The following MSL1 variants were observed in gnomAD, a reference collection of about 807,000 sequenced individuals.
The protein encoded by MSL1 is male-specific lethal 1 homolog.
In MSL1, 21 loss-of-function variants were observed where a neutral mutation model predicts 64.6. That is an observed-to-expected ratio of 0.33 (90% CI 0.23 to 0.47). The LOEUF (loss-of-function observed/expected upper bound fraction) is 0.47. MSL1 is among the 20% of genes least tolerant of loss of function. MSL1 has a pLI of 1.00. For missense variants in MSL1, 664 were observed against 793.2 expected, an observed-to-expected ratio of 0.84 and a Z score of 1.96; for synonymous variants, 339 against 329.6, an observed-to-expected ratio of 1.03 and a Z score of -0.31.
Position 40,131,621 on chromosome 17 carries a change from G to A in MSL1, c.1423+37G>A. The A allele has an allele frequency of 6.3e-7, 1 of 1,584,512 alleles. No homozygotes were observed. The highest frequency in any genetic ancestry group is 8.7e-7 in the Non-Finnish European group (1 of 1,153,092). ...AGGAATTGTGCTGGCTGGGCCTGGG[G>A]TGGGGGTTGGTGGGATGGTGGATGG... On this transcript the variant is annotated intron_variant, in intron 4 of 8. Transcript: ENST00000398532. This position sits in a 1 kb window ranked among gnomAD's most constrained non-coding sequence, Gnocchi z 4.5.
In MSL1 at chr17:40,132,910, A is replaced by G. The variant is rs1988468745; in HGVS notation, c.1489-132A>G. On this transcript the variant is annotated intron_variant, in intron 5 of 8. Transcript: ENST00000398532. ...TTACCAGGAGGTTCCCATACTGTCC[A>G]TGGAACCCACAGACTCAGGTAGAAC... 1.5e-5 allele frequency: 11 copies of G among 752,808 alleles called. No individual in the cohort carries two copies. The South Asian group carries it at 1.9e-4, about 13-fold the overall frequency. 46.6% of individuals were successfully genotyped at this position (752,808 alleles called of 1,614,324 possible).
At position 40,126,174 on chromosome 17, in the gene MSL1, C is replaced by G. The variant is rs760183463; in HGVS notation, c.769-9C>G. On this transcript the variant is annotated splice_polypyrimidine_tract_variant and intron_variant, in intron 1 of 8. Coordinates refer to ENST00000398532, the MANE Select transcript of MSL1 (RefSeq NM_001365919.1). ...TGTTAAGTCTGCATTTTGCTACTCT[C>G]TCTTTTAGCTCCTTGCTCGGATTGA... is the stretch of plus-strand genomic sequence containing the variant. 7 of 1,613,356 alleles carry G rather than the reference C, an allele frequency of 4.3e-6. No homozygotes were observed. The highest frequency in any genetic ancestry group is 2.7e-5 in the African/African-American group (2 of 74,922).
chr17:40,134,583 T>C lies in MSL1; in HGVS notation c.*214T>C, dbSNP rs892666951. ...TATGGAGGGTGATTGGGATTTCTTT[T>C]CCCTTTTTTGGGAAATGGGCTCTCA... is the stretch of plus-strand genomic sequence containing the variant. On this transcript the variant is annotated 3_prime_UTR_variant, in exon 9 of 9. Coordinates refer to ENST00000398532, the MANE Select transcript of MSL1 (RefSeq NM_001365919.1). 1 of 542,860 alleles carries C rather than the reference T, an allele frequency of 1.8e-6. No homozygotes were observed. Among genetic ancestry groups the C allele is most frequent in the Non-Finnish European group, 3.3e-6 (1 of 304,292 alleles). 33.6% of individuals were successfully genotyped at this position (542,860 alleles called of 1,614,324 possible).
intron 2 of MSL1, among the ~76,000 whole-genome samples, chr17:40,127,072 C>T (rs1260959663): frequency 1.3e-5 from 2 of 152,058 alleles, no homozygotes; most frequent in African/African-American, 4.8e-5. Flanking sequence ...CGTGGTGGCT[C>T]ATGCCTGTAA....
rs1307388212 is a variant in MSL1 at position 40,131,697 on chromosome 17, G to GT, written c.1423+114dup. On this transcript the variant is annotated intron_variant, in intron 4 of 8. Transcript: ENST00000398532. This position sits in a 1 kb window ranked among gnomAD's most constrained non-coding sequence, Gnocchi z 4.5. ...GGATGTGGGAGACTGAGATTTCTTGGTGTATGATTGATTACACTACTATAG... is the reference window on the plus strand; with the variant it reads ...GGATGTGGGAGACTGAGATTTCTTGGTTGTATGATTGATTACACTACTATAG... 1.0e-6 allele frequency: 1 copy of GT among 980,712 alleles called. No homozygotes were observed. The highest frequency in any genetic ancestry group is 2.4e-5 in the East Asian group (1 of 42,002). 60.8% of individuals were successfully genotyped at this position (980,712 alleles called of 1,614,324 possible).
intron 1 of MSL1, among the ~76,000 whole-genome samples, chr17:40,125,149 T>C (rs954085833): frequency 6.6e-6 from 1 of 152,218 alleles, no homozygotes; most frequent in Non-Finnish European, 1.5e-5. Flanking sequence ...AAGTTTTCAA[T>C]ACTAATAGAG....
chr17:40,122,926 C>A lies in MSL1; in HGVS notation c.314C>A (p.Pro105Gln), dbSNP rs1299378597. The change falls in exon 1 of 9, where the codon CCG becomes CAG. Residue 105 changes from proline to glutamine, a missense_variant. Physicochemically the swap from Pro to Gln is moderately conservative, Grantham distance 76. Transcript: ENST00000398532. This position sits in a 1 kb window ranked among gnomAD's most constrained non-coding sequence, Gnocchi z 4.2. ...GGCGGTTCGGTGCCCTTGCCCTGTC[C>A]GCCCCCGGCCACCAAGCAAGCCGGC... is the stretch of plus-strand genomic sequence containing the variant. ...SWGGSVPLPC[P>Q]PPATKQAGIG... 1.3e-6 allele frequency: 2 copies of A among 1,516,906 alleles called. No homozygotes were observed. Among genetic ancestry groups the A allele is most frequent in the Non-Finnish European group, 1.8e-6 (2 of 1,139,578 alleles). 94.0% of individuals were successfully genotyped at this position (1,516,906 alleles called of 1,614,324 possible). A position where few individuals can be genotyped will look rare whatever the true frequency, so the allele number is the denominator to read the frequency against.
In MSL1 at chr17:40,135,612, T is replaced by C. The variant is rs376549357; in HGVS notation, c.*1243T>C. On this transcript the variant is annotated 3_prime_UTR_variant, in exon 9 of 9. Coordinates refer to ENST00000398532, the MANE Select transcript of MSL1 (RefSeq NM_001365919.1). ...TATGTCCCCAGATTATTAGCACTTT[T>C]AGAGGAGAAGCCAAGGTATGTAGGG... 2.0e-5 allele frequency: 3 copies of C among 152,368 alleles called. No individual in the cohort carries two copies. Among genetic ancestry groups the C allele is most frequent in the South Asian group, 4.1e-4 (2 of 4,828 alleles). 9.4% of individuals were successfully genotyped at this position (152,368 alleles called of 1,614,324 possible). A position where few individuals can be genotyped will look rare whatever the true frequency, so the allele number is the denominator to read the frequency against.
At chr17:40,127,011 CTTCA>C (rs2145130062) in intron 2 of MSL1, among the ~76,000 whole-genome samples, 1 of 152,028 alleles carries the variant, frequency 6.6e-6, no homozygotes, top group Admixed American at 6.5e-5. Flanking sequence ...TGTTAAATTC[CTTCA>C]TTGTGTCGTG....
chr17:40,136,002 A>G lies in MSL1; in HGVS notation c.*1633A>G, dbSNP rs1045816193. On this transcript the variant is annotated 3_prime_UTR_variant, in exon 9 of 9. Transcript: ENST00000398532. ...ACTAGGGGCTCTCATCTCACACCTT[A>G]AGGAGGAGATTTCTAGAAAAACTGG... 8.5e-5 allele frequency: 13 copies of G among 152,282 alleles called. No homozygotes were observed. The highest frequency in any genetic ancestry group is 3.1e-4 in the African/African-American group (13 of 41,430). The allele number at this position is 152,282 out of a possible 1,614,324, so 9.4% of individuals were successfully genotyped here.
Position 40,135,323 on chromosome 17 carries a change from T to G in MSL1, c.*954T>G, listed in dbSNP as rs1411620916. ...AACAAACAGATGTACCTAATGAGCTTCTCCATTCACTTTGTAAAAATAATT... is the reference window on the plus strand; with the variant it reads ...AACAAACAGATGTACCTAATGAGCTGCTCCATTCACTTTGTAAAAATAATT... On this transcript the variant is annotated 3_prime_UTR_variant, in exon 9 of 9. Transcript: ENST00000398532. 4 of 152,290 alleles carry G rather than the reference T, an allele frequency of 2.6e-5. No homozygotes were observed. The highest frequency in any genetic ancestry group is 9.7e-5 in the African/African-American group (4 of 41,424). 9.4% of individuals were successfully genotyped at this position (152,290 alleles called of 1,614,324 possible).
At chr17:40,126,701 G>A (rs570339590) in intron 2 of MSL1, 5 of 281,598 alleles carry the variant, frequency 1.8e-5, no homozygotes, top group East Asian at 1.7e-4. Context: ...CCAGCTACTC[G>A]GGAGGCTGAG....
At chr17:40,125,671 G>A (rs1328994761) in intron 1 of MSL1, among the ~76,000 whole-genome samples, 1 of 152,168 alleles carries the variant, frequency 6.6e-6, no homozygotes, top group Non-Finnish European at 1.5e-5. Flanking sequence ...ATTACCCGGT[G>A]TGGTGGCGGG....
intron 1 of MSL1, 26 bp from the exon 2 acceptor site, chr17:40,126,157 C>A: frequency 6.2e-7 from 1 of 1,604,408 alleles, no homozygotes; most frequent in South Asian, 1.1e-5. Flanking sequence ...TGTGTTAAGT[C>A]TGCATTTTGC....
rs1988233847 is a variant in MSL1 at position 40,123,241 on chromosome 17, G to T, written c.629G>T (p.Gly210Val). The T allele has an allele frequency of 2.0e-6, 3 of 1,535,690 alleles. No homozygotes were observed. The African/African-American group carries it at 4.1e-5, about 21-fold the overall frequency. ...ATGAGGAAGAGCCCTCTCGGGGGTG[G>T]TGGCGGCTCGGGAGCCTCCAGTCAG... ...KSMRKSPLGGGGGSGASSQAA... is the reference protein window; with the variant it reads ...KSMRKSPLGGVGGSGASSQAA... The change falls in exon 1 of 9, where the codon GGT becomes GTT. Residue 210 changes from glycine to valine, a missense_variant. Physicochemically the swap from Gly to Val is moderately radical, Grantham distance 109. Around this residue, in one of 4 missense-constraint regions of MSL1, gnomAD observed 466 missense variants for 499.0 expected, o/e 0.93. Coordinates refer to ENST00000398532, the MANE Select transcript of MSL1 (RefSeq NM_001365919.1).
intron 5 of MSL1, among the ~76,000 whole-genome samples, chr17:40,132,676 T>G (rs1484343673): frequency 1.3e-5 from 2 of 152,146 alleles, no homozygotes; most frequent in East Asian, 3.8e-4. Flanking sequence ...AACCATAAAA[T>G]TACATATTCC....
chr17:40,122,667 C>G lies in MSL1; in HGVS notation c.55C>G (p.Pro19Ala). The G allele has an allele frequency of 4.0e-6, 6 of 1,493,336 alleles. No individual in the cohort carries two copies. The highest frequency in any genetic ancestry group is 5.3e-6 in the Non-Finnish European group (6 of 1,128,620). 92.5% of individuals were successfully genotyped at this position (1,493,336 alleles called of 1,614,324 possible). ...KAAAAPAGGN[P>A]EQRLDYERAA... ...GGCCGCGGCCCCTGCCGGCGGCAAT[C>G]CTGAGCAGCGACTGGACTACGAGCG... Residue 19 changes from proline to alanine, a missense_variant, in exon 1 of 9, where the codon CCT becomes GCT. Physicochemically the swap from Pro to Ala is conservative, Grantham distance 27. Transcript: ENST00000398532. The surrounding 1 kb of genome is among the most constrained non-coding windows in gnomAD (Gnocchi z 4.2).
rs752605542 is a variant in MSL1, at chr17:40,126,213, C to T, written c.799C>T (p.Arg267Trp). 6.8e-6 allele frequency: 11 copies of T among 1,613,772 alleles called. No individual in the cohort carries two copies. Among genetic ancestry groups the T allele is most frequent in the Non-Finnish European group, 9.3e-6 (11 of 1,179,876 alleles). ...LLARIERMERRMQLVKKDNEK... is the reference protein window; with the variant it reads ...LLARIERMERWMQLVKKDNEK... ...TGCTCGGATTGAACGTATGGAAAGG[C>T]GGATGCAGCTGGTAAAGAAGGATAA... The change falls in exon 2 of 9, where the codon CGG (arginine) becomes TGG (tryptophan). Residue 267 changes from arginine to tryptophan, a missense_variant. Arg to Trp is a moderately radical substitution (Grantham distance 101). Around this residue, in one of 4 missense-constraint regions of MSL1, gnomAD observed 466 missense variants for 499.0 expected, o/e 0.93. Coordinates refer to ENST00000398532, the MANE Select transcript of MSL1 (RefSeq NM_001365919.1).
At position 40,133,575 on chromosome 17, in the gene MSL1, G is replaced by T; in HGVS notation, c.1598G>T (p.Arg533Leu). 6.2e-7 allele frequency: 1 copy of T among 1,612,350 alleles called. No individual in the cohort carries two copies. Among genetic ancestry groups the T allele is most frequent in the South Asian group, 1.1e-5 (1 of 90,776 alleles). The part of the protein sequence containing the change: ...QRIREQRILQ[R>L]LQLRMYKKKG... ...ATCAGGGAACAAAGAATTTTACAGC[G>T]ACTGCAGCTCAGAATGTATAAAAAG... Residue 533 changes from arginine to leucine, a missense_variant, in exon 7 of 9, where the codon CGA (arginine) becomes CTA (leucine). Transcript: ENST00000398532.
Sources: allele counts gnomAD v4.1 joint callset (sites outside exome capture counted in the v4.1 genomes callset), GRCh38; gene constraint gnomAD v4.1.1; regional missense constraint gnomAD v4.1.1; non-coding constraint Gnocchi (gnomAD v3.1); transcripts MANE v1.5; gene names NCBI Gene and HGNC (gene_info 2026-07-23, HGNC 2026-07-21).